SCN1A: variants seen among roughly 807,000 people sequenced by gnomAD.
SCN1A encodes sodium channel protein type 1 subunit alpha.
SCN1A carries 13 observed loss-of-function variants against 193.7 expected under a neutral mutation model. The ratio of observed to expected loss-of-function variants is 0.07; its 90% CI spans 0.04 to 0.11. The LOEUF (loss-of-function observed/expected upper bound fraction) is 0.11. SCN1A is among the 10% of genes least tolerant of loss of function. The pLI is 1.00. For synonymous variants in SCN1A, 781 were observed against 843.6 expected, an observed-to-expected ratio of 0.93 and a Z score of 1.29; for missense variants, 1,432 against 2,451.1, an observed-to-expected ratio of 0.58 and a Z score of 8.78.
chr2:166,080,640 A>G (rs1357369961), intron 2 of SCN1A, among the ~76,000 whole-genome samples: 2 of 151,824 alleles, frequency 1.3e-5, no homozygotes, highest in African/African-American at 4.8e-5. Context: ...CAGGAAAAAA[A>G]TAATCCAAAA....
chr2:166,002,613 A>C lies in SCN1A; in HGVS notation c.4143T>G (p.Thr1381=), dbSNP rs1240740243. ...CGTCTTCGATGTCAAACCTGTCACC[A>C]GTTGTGGTGTTAATACAGTGGTAGA... is the stretch of plus-strand genomic sequence containing the variant. ...GKFYHCINTT[T]GDRFDIEDVN... is the part of the protein sequence containing the mutation. Residue 1381 remains threonine (T), a synonymous_variant, in exon 24 of 29, where the codon ACT becomes ACG. Coordinates refer to ENST00000674923, the MANE Select transcript of SCN1A (RefSeq NM_001165963.4). The C allele has an allele frequency of 1.2e-6, 2 of 1,611,956 alleles. No individual in the cohort carries two copies. Among genetic ancestry groups the C allele is most frequent in the African/African-American group, 2.7e-5 (2 of 74,734 alleles).
chr2:166,026,536 T>G (rs1423047744), intron 19 of SCN1A, among the ~76,000 whole-genome samples: 1 of 152,164 alleles, frequency 6.6e-6, no homozygotes, highest in Non-Finnish European at 1.5e-5. Flanking sequence ...TTTTACAGAT[T>G]TAAAAATCAG....
intron 2 of SCN1A, among the ~76,000 whole-genome samples, chr2:166,079,461 C>T (rs1018503146): frequency 1.1e-4 from 16 of 146,364 alleles, no homozygotes; most frequent in African/African-American, 2.5e-4. Context: ...TCCATCAATT[C>T]GGTTTCATCC....
intron 4 of SCN1A, among the ~76,000 whole-genome samples, chr2:166,069,486 T>C (rs770112363): frequency 6.6e-6 from 1 of 152,214 alleles, no homozygotes; most frequent in East Asian, 1.9e-4. Flanking sequence ...CATATGCCAT[T>C]GGAAAATATA....
At chr2:166,117,425 A>G (rs1030091619) in intron 2 of SCN1A, among the ~76,000 whole-genome samples, 5 of 152,178 alleles carry the variant, frequency 3.3e-5, no homozygotes, top group African/African-American at 1.2e-4. Context: ...TTTTAGTGCA[A>G]CTGGCTTTAA....
At chr2:166,005,538 T>C (rs80312165) in intron 23 of SCN1A, among the ~76,000 whole-genome samples, 3,404 of 151,502 alleles carry the variant, frequency 0.022, 177 homozygotes, top group Admixed American at 0.13. Flanking sequence ...AGAAAAGTTT[T>C]ATTTTTTTTG....
At chr2:166,033,236 T>C (rs1488983652) in intron 19 of SCN1A, among the ~76,000 whole-genome samples, 1 of 152,142 alleles carries the variant, frequency 6.6e-6, no homozygotes, top group Non-Finnish European at 1.5e-5. Flanking sequence ...ATCACTACCT[T>C]CAAAAAGCTG....
At position 165,989,569 on chromosome 2, in the gene SCN1A, G is replaced by T. The variant is rs1398647282; in HGVS notation, c.*1676C>A. On this transcript the variant is annotated 3_prime_UTR_variant, in exon 29 of 29. Coordinates refer to ENST00000674923, the MANE Select transcript of SCN1A (RefSeq NM_001165963.4). ...TTTTCCAATTGCAAAGCATAATTTG[G>T]ATATGAATCGTGAACCTATTTTGCT... 1.3e-5 allele frequency: 2 copies of T among 152,300 alleles called. No homozygotes were observed. Among genetic ancestry groups the T allele is most frequent in the East Asian group, 3.9e-4 (2 of 5,176 alleles). The allele number at this position is 152,300 out of a possible 1,614,324, so 9.4% of individuals were successfully genotyped here. A position where few individuals can be genotyped will look rare whatever the true frequency, so the allele number is the denominator to read the frequency against.
intron 25 of SCN1A, 47 bp downstream of exon 25, chr2:165,999,676 C>T (rs759736543): frequency 2.4e-6 from 3 of 1,276,536 alleles, no homozygotes; most frequent in South Asian, 1.2e-5. Context: ...TTAATTTTAC[C>T]ACCTGATCAA....
At chr2:166,016,958 C>T (rs148424743) in intron 19 of SCN1A, among the ~76,000 whole-genome samples, 162 of 149,810 alleles carry the variant, frequency 1.1e-3, no homozygotes, top group South Asian at 1.7e-3. Flanking sequence ...AAAGTTTCAC[C>T]GAAATATTTG....
chr2:165,996,131 A>G lies in SCN1A; in HGVS notation c.4477-14T>C, dbSNP rs1690015718. ...TTGACCTCCAAAGTATAGAAAAGAAAAATCAAACTGGTTAAAACTGTGTCC... is the reference window on the plus strand; with the variant it reads ...TTGACCTCCAAAGTATAGAAAAGAAGAATCAAACTGGTTAAAACTGTGTCC... On this transcript the variant is annotated splice_polypyrimidine_tract_variant and intron_variant, in intron 26 of 28. Transcript: ENST00000674923. 6.7e-7 allele frequency: 1 copy of G among 1,493,932 alleles called. No homozygotes were observed. Among genetic ancestry groups the G allele is most frequent in the South Asian group, 1.1e-5 (1 of 88,240 alleles). 92.5% of individuals were successfully genotyped at this position (1,493,932 alleles called of 1,614,324 possible). A position where few individuals can be genotyped will look rare whatever the true frequency, so the allele number is the denominator to read the frequency against.
intron 2 of SCN1A, among the ~76,000 whole-genome samples, chr2:166,124,608 A>T (rs1227383918): frequency 6.6e-6 from 1 of 152,160 alleles, no homozygotes; most frequent in Non-Finnish European, 1.5e-5. Context: ...TTCTAAACCA[A>T]ACTGTTTTTG....
chr2:166,136,445 T>C (rs1691862286), intron 1 of SCN1A, among the ~76,000 whole-genome samples: 1 of 152,150 alleles, frequency 6.6e-6, no homozygotes, highest in Admixed American at 6.6e-5. Flanking sequence ...TGTTATGTTA[T>C]GCTACACACA....
chr2:166,045,509 T>C (rs1697723703), intron 12 of SCN1A, among the ~76,000 whole-genome samples, 182 bp from the exon 13 acceptor site: 1 of 152,192 alleles, frequency 6.6e-6, no homozygotes, highest in African/African-American at 2.4e-5. Flanking sequence ...AATGAAGGCT[T>C]TTGGAGATAA....
At chr2:165,995,057 T>C (rs1482550366) in intron 27 of SCN1A, among the ~76,000 whole-genome samples, 1 of 151,816 alleles carries the variant, frequency 6.6e-6, no homozygotes, top group Non-Finnish European at 1.5e-5. Context: ...AAACTTCACG[T>C]TCTTTGTCGT....
chr2:165,985,792 A>G (rs1235756319), downstream of SCN1A: 1 of 152,200 alleles, frequency 6.6e-6, no homozygotes, highest in Non-Finnish European at 1.5e-5. Context: ...CAGGAAGAAT[A>G]GTACTATCAG....
At chr2:166,139,530 A>G (rs1691997783) in intron 1 of SCN1A, among the ~76,000 whole-genome samples, 1 of 152,200 alleles carries the variant, frequency 6.6e-6, no homozygotes, top group African/African-American at 2.4e-5. Context: ...TGCCTCCAGC[A>G]TGATTGTGAG....
At chr2:166,001,631 C>G (rs1160695422) in intron 24 of SCN1A, among the ~76,000 whole-genome samples, 3 of 151,318 alleles carry the variant, frequency 2.0e-5, no homozygotes, top group Non-Finnish European at 4.4e-5. Context: ...ATTTTATTCC[C>G]TGCTTTGTTG....
intron 2 of SCN1A, among the ~76,000 whole-genome samples, chr2:166,088,705 C>T (rs1366781296): frequency 6.6e-6 from 1 of 152,142 alleles, no homozygotes; most frequent in Non-Finnish European, 1.5e-5. Flanking sequence ...GTCCCAAAGC[C>T]CGTGGGCTAG....
Sources: gnomAD v4.1 joint callset for allele counts (sites outside exome capture counted in the v4.1 genomes callset) on GRCh38, gnomAD v4.1.1 for gene constraint, MANE v1.5 for transcripts, NCBI Gene and HGNC (gene_info 2026-07-23, HGNC 2026-07-21) for gene names.